Variants in SLC24A2 observed in about 807,000 individuals in gnomAD.
The protein encoded by SLC24A2 is solute carrier family 24 member 2.
In SLC24A2, 36 loss-of-function variants were observed where a neutral mutation model predicts 62.0. The ratio of observed to expected loss-of-function variants is 0.58; its 90% CI spans 0.44 to 0.77. SLC24A2 has a LOEUF of 0.77. Among genes scored for constraint, SLC24A2 ranks in the 30% least tolerant of loss-of-function variants. The pLI is 0.00. For missense variants in SLC24A2, 846 were observed against 817.9 expected (o/e 1.03, Z -0.42); for synonymous variants, 358 against 294.0 (o/e 1.22, Z -2.23).
intron 2 of SLC24A2, among the ~76,000 whole-genome samples, chr9:19,722,492 G>C (rs1271693243): frequency 1.3e-5 from 2 of 151,928 alleles, no homozygotes; most frequent in Admixed American, 1.3e-4. Flanking sequence ...TTAATATTTG[G>C]TTTGTAATTC....
the SLC24A2 span, among the ~76,000 whole-genome samples, chr9:20,107,782 T>C: frequency 6.6e-6 from 1 of 152,072 alleles, no homozygotes; most frequent in Non-Finnish European, 1.5e-5. Flanking sequence ...GACATAGGCA[T>C]GGGCAAGGAC....
intron 2 of SLC24A2, among the ~76,000 whole-genome samples, chr9:19,758,613 G>A (rs79838534): frequency 0.042 from 6,424 of 152,206 alleles, 188 homozygotes; most frequent in Non-Finnish European, 0.064. Context: ...AAGAGATCAA[G>A]GTTTCCTTCT....
the SLC24A2 span, among the ~76,000 whole-genome samples, chr9:19,994,253 T>C: frequency 2.0e-5 from 3 of 152,130 alleles, no homozygotes; most frequent in African/African-American, 7.2e-5. Context: ...AATTGCTAAA[T>C]TTTAAGGCAA....
the SLC24A2 span, among the ~76,000 whole-genome samples, chr9:20,019,237 A>AG: frequency 1.6e-5 from 2 of 127,152 alleles, no homozygotes; most frequent in African/African-American, 5.6e-5. Context: ...GAAAGAAAGA[A>AG]AAAGAAAGAA....
chr9:19,887,752 G>A, the SLC24A2 span, among the ~76,000 whole-genome samples: 2 of 152,062 alleles, frequency 1.3e-5, no homozygotes, highest in Admixed American at 6.5e-5. Context: ...ACTTAAATAT[G>A]GAACCAGCCC....
At chr9:20,303,665 T>C in the SLC24A2 span, among the ~76,000 whole-genome samples, 121 of 152,324 alleles carry the variant, frequency 7.9e-4, 1 homozygote, top group Middle Eastern at 3.4e-3. Flanking sequence ...TGCCCAATTA[T>C]TACCTCCTTC....
At chr9:20,162,118 T>C in the SLC24A2 span, among the ~76,000 whole-genome samples, 8 of 151,702 alleles carry the variant, frequency 5.3e-5, no homozygotes, top group Non-Finnish European at 1.2e-4. Context: ...AACTTGGCAT[T>C]GTGATGTGAA....
At chr9:19,854,214 G>A in the SLC24A2 span, among the ~76,000 whole-genome samples, 1 of 152,012 alleles carries the variant, frequency 6.6e-6, no homozygotes, top group Non-Finnish European at 1.5e-5. Flanking sequence ...AGTCTAGCTA[G>A]CAGTCTATCT....
chr9:19,709,689 G>T (rs1320201459), intron 2 of SLC24A2, among the ~76,000 whole-genome samples: 1 of 147,582 alleles, frequency 6.8e-6, no homozygotes. Flanking sequence ...CTCACTCATA[G>T]GTGCTGAACA....
chr9:20,179,564 G>A, the SLC24A2 span, among the ~76,000 whole-genome samples: 6 of 152,126 alleles, frequency 3.9e-5, no homozygotes, highest in African/African-American at 7.2e-5. Flanking sequence ...CTGGAACCAC[G>A]ATGTTGTTTT....
the SLC24A2 span, among the ~76,000 whole-genome samples, chr9:20,211,076 C>T: frequency 4.0e-5 from 6 of 151,328 alleles, no homozygotes; most frequent in Non-Finnish European, 7.4e-5. Flanking sequence ...TGCCATTAAA[C>T]ATATATCAGA....
chr9:19,796,537 T>C, the SLC24A2 span, among the ~76,000 whole-genome samples: 1 of 152,246 alleles, frequency 6.6e-6, no homozygotes, highest in Non-Finnish European at 1.5e-5. Context: ...GCCTCCAGTA[T>C]CTTCCCCAGA....
At chr9:19,535,635 T>A (rs774594993) in intron 8 of SLC24A2, among the ~76,000 whole-genome samples, 5 of 152,208 alleles carry the variant, frequency 3.3e-5, no homozygotes. Context: ...CTTGTTTTTG[T>A]CAGGTTTGTC....
the SLC24A2 span, among the ~76,000 whole-genome samples, chr9:20,043,939 C>T: frequency 6.6e-6 from 1 of 152,132 alleles, no homozygotes; most frequent in Non-Finnish European, 1.5e-5. Context: ...AAAAATCTTT[C>T]ATAAAAGGAA....
the SLC24A2 span, among the ~76,000 whole-genome samples, chr9:20,251,285 C>T: frequency 6.6e-6 from 1 of 151,806 alleles, no homozygotes; most frequent in Non-Finnish European, 1.5e-5. Context: ...TCCCCACCCA[C>T]CCTTATCCCC....
chr9:20,108,110 G>T, the SLC24A2 span, among the ~76,000 whole-genome samples: 14 of 152,056 alleles, frequency 9.2e-5, no homozygotes, highest in Admixed American at 2.6e-4. Flanking sequence ...GCTCACCATC[G>T]CTGGCCATCA....
the SLC24A2 span, among the ~76,000 whole-genome samples, chr9:19,821,228 G>A: frequency 5.9e-5 from 9 of 151,952 alleles, no homozygotes; most frequent in African/African-American, 2.2e-4. Context: ...TAAATCTGAG[G>A]GGTAAAAATG....
the SLC24A2 span, among the ~76,000 whole-genome samples, chr9:19,872,166 A>C: frequency 6.6e-6 from 1 of 152,192 alleles, no homozygotes; most frequent in Admixed American, 6.5e-5. Context: ...ATGTAGTAAC[A>C]GGAAGGCAGG....
chr9:20,255,767 C>A, the SLC24A2 span, among the ~76,000 whole-genome samples: 3 of 152,152 alleles, frequency 2.0e-5, no homozygotes, highest in Non-Finnish European at 4.4e-5. Flanking sequence ...AGTCATAGAA[C>A]ACATTCAGGT....
Sources: gnomAD v4.1 joint callset for allele counts (sites outside exome capture counted in the v4.1 genomes callset) on GRCh38, gnomAD v4.1.1 for gene constraint, MANE v1.5 for transcripts, NCBI Gene and HGNC (gene_info 2026-07-23, HGNC 2026-07-21) for gene names.